The following TXNDC5 variants were observed in gnomAD, a reference collection of about 807,000 sequenced individuals.
TXNDC5 encodes thioredoxin domain containing 5.
A neutral mutation model predicts 52.6 loss-of-function variants in TXNDC5; 44 were observed. The observed-to-expected ratio is 0.84, with a 90% CI of 0.66 to 1.08. The LOEUF (loss-of-function observed/expected upper bound fraction) is 1.08, where lower values mean the gene tolerates loss of function less well. Among genes scored for constraint, TXNDC5 ranks in the 50% least tolerant of loss-of-function variants. TXNDC5 has a pLI of 0.00. For missense variants in TXNDC5, 600 were observed against 565.5 expected, an observed-to-expected ratio of 1.06 and a Z score of -0.62; for synonymous variants, 241 against 234.4, an observed-to-expected ratio of 1.03 and a Z score of -0.26.
chr6:7,884,526 G>A (rs1191968439), intron 8 of TXNDC5, 38 bp from the exon 9 acceptor site: 6 of 1,612,692 alleles, frequency 3.7e-6, no homozygotes, highest in South Asian at 1.1e-5. Flanking sequence ...TGAAATCCTG[G>A]GTCGAGATCA....
At chr6:7,893,522 A>G (rs1760267550) in intron 4 of TXNDC5, among the ~76,000 whole-genome samples, 1 of 151,356 alleles carries the variant, frequency 6.6e-6, no homozygotes, top group African/African-American at 2.5e-5. Flanking sequence ...CCACTTAGGG[A>G]GGCGCTGGCT....
chr6:7,901,503 T>G (rs572434645), intron 2 of TXNDC5, among the ~76,000 whole-genome samples: 1 of 152,228 alleles, frequency 6.6e-6, no homozygotes, highest in Non-Finnish European at 1.5e-5. Context: ...AAAACCATCT[T>G]CTTGTTGTTG....
At position 7,882,129 on chromosome 6, in the gene TXNDC5, A is replaced by C. The variant is rs1244399588; in HGVS notation, c.*1015T>G. On this transcript the variant is annotated 3_prime_UTR_variant, in exon 10 of 10. Coordinates refer to ENST00000379757, the MANE Select transcript of TXNDC5 (RefSeq NM_030810.5). ...ATACATTAGAAGGTCGACCTCCTTG[A>C]AGCAGACCAAGTATAGCAAGCCTCT... 6.6e-6 allele frequency: 1 copy of C among 152,638 alleles called. No homozygotes were observed. The highest frequency in any genetic ancestry group is 1.5e-5 in the Non-Finnish European group (1 of 68,050). 9.5% of individuals were successfully genotyped at this position (152,638 alleles called of 1,614,324 possible). A position where few individuals can be genotyped will look rare whatever the true frequency, so the allele number is the denominator to read the frequency against.
chr6:7,906,563 A>AAAC lies in TXNDC5; in HGVS notation c.264-1841_264-1840insGTT, dbSNP rs1294037939. 4.0e-5 allele frequency among the ~76,000 whole-genome samples: 6 copies of AAAC among 150,340 alleles called. No individual in the cohort carries two copies. In the East Asian group the frequency reaches 9.8e-4, roughly 25 times the overall value. ...AAAAAAAAAAAAAAAAAAAAGAAAA[A>AAAC]CAGACTTAAAGGTAGCACTGAAAAA... On this transcript the variant is annotated intron_variant, in intron 1 of 9. Transcript: ENST00000379757.
chr6:7,899,801 T>TGC (rs1319164646), intron 2 of TXNDC5, 120 bp from the exon 3 acceptor site: 2 of 578,526 alleles, frequency 3.5e-6, no homozygotes, highest in Non-Finnish European at 6.0e-6. Flanking sequence ...GGCATGTATC[T>TGC]GCTCCTCTCT....
At chr6:7,907,730 C>A (rs1011190406) in intron 1 of TXNDC5, among the ~76,000 whole-genome samples, 1 of 152,150 alleles carries the variant, frequency 6.6e-6, no homozygotes, top group African/African-American at 2.4e-5. Flanking sequence ...CCTGCATAGA[C>A]CCCTCCAGAG....
intron 4 of TXNDC5, among the ~76,000 whole-genome samples, chr6:7,893,888 G>A (rs781637685): frequency 6.6e-5 from 10 of 152,248 alleles, no homozygotes; most frequent in Admixed American, 3.3e-4. Context: ...AATGGGAGCC[G>A]GCCAGGAAGC....
intron 1 of TXNDC5, among the ~76,000 whole-genome samples, chr6:7,908,237 T>C (rs1225960): frequency 0.34 from 49,145 of 143,454 alleles, 8,783 homozygotes; most frequent in East Asian, 0.65. Flanking sequence ...AAATCAAGAT[T>C]GCGCTACTGC....
At chr6:7,908,974 T>A (rs572315802) in intron 1 of TXNDC5, among the ~76,000 whole-genome samples, 1 of 152,250 alleles carries the variant, frequency 6.6e-6, no homozygotes, top group Non-Finnish European at 1.5e-5. Flanking sequence ...AAACTGTTAA[T>A]ACTGCCTGAT....
At chr6:7,886,603 C>T (rs1412630293) in intron 7 of TXNDC5, among the ~76,000 whole-genome samples, 1 of 152,210 alleles carries the variant, frequency 6.6e-6, no homozygotes, top group African/African-American at 2.4e-5. Context: ...TGGAAAGCAG[C>T]CTGTTCTAAG....
At chr6:7,907,885 T>C (rs1760787419) in intron 1 of TXNDC5, among the ~76,000 whole-genome samples, 1 of 152,220 alleles carries the variant, frequency 6.6e-6, no homozygotes, top group South Asian at 2.1e-4. Context: ...TGAGCCCTAC[T>C]GCAGTATCTG....
At chr6:7,898,081 C>T (rs1430190136) in intron 3 of TXNDC5, among the ~76,000 whole-genome samples, 11 of 151,002 alleles carry the variant, frequency 7.3e-5, no homozygotes, top group South Asian at 6.3e-4. Context: ...TTTTTTTCCA[C>T]GATAGTTTTT....
At chr6:7,894,696 G>GT (rs1760306873) in intron 4 of TXNDC5, 1 of 982,850 alleles carries the variant, frequency 1.0e-6, no homozygotes, top group Non-Finnish European at 1.2e-6. Flanking sequence ...GGGATACAAA[G>GT]TAAGCACAAG....
intron 8 of TXNDC5, among the ~76,000 whole-genome samples, chr6:7,884,753 A>G (rs557979517): frequency 6.6e-6 from 1 of 152,334 alleles, no homozygotes; most frequent in Non-Finnish European, 1.5e-5. Context: ...AGATTCTGAG[A>G]CCATTTCCAT....
At chr6:7,884,513 C>T (rs1202764958) in intron 8 of TXNDC5, 25 bp from the exon 9 acceptor site, 4 of 1,613,404 alleles carry the variant, frequency 2.5e-6, no homozygotes, top group Non-Finnish European at 3.4e-6. Context: ...ATGGCAGCTT[C>T]GTTGAAATCC....
chr6:7,883,715 T>C (rs1289328766), intron 9 of TXNDC5, among the ~76,000 whole-genome samples: 1 of 152,166 alleles, frequency 6.6e-6, no homozygotes, highest in African/African-American at 2.4e-5. Context: ...CTAAGAATTT[T>C]AGGGCACAAA....
In TXNDC5 at chr6:7,891,562, C is replaced by T. The variant is rs987043451; in HGVS notation, c.732+59G>A. 7.8e-6 allele frequency: 11 copies of T among 1,411,602 alleles called. No individual in the cohort carries two copies. The South Asian group carries it at 1.1e-4, about 14-fold the overall frequency. 87.4% of individuals were successfully genotyped at this position (1,411,602 alleles called of 1,614,324 possible). On this transcript the variant is annotated intron_variant, in intron 5 of 9. Transcript: ENST00000379757. ...CACACGGAATGAATAATGGGCCACT[C>T]TGCTAATTAATCCAGCCCAAAGCAG...
At chr6:7,895,246 C>T (rs939590677) in intron 3 of TXNDC5, 44 bp from the exon 4 acceptor site, 12 of 1,557,236 alleles carry the variant, frequency 7.7e-6, no homozygotes, top group African/African-American at 4.1e-5. Flanking sequence ...TCAGTGGAGA[C>T]ACAGGGAAAC....
At chr6:7,893,014 C>T (rs1173535804) in intron 4 of TXNDC5, among the ~76,000 whole-genome samples, 3 of 152,206 alleles carry the variant, frequency 2.0e-5, no homozygotes, top group Admixed American at 6.5e-5. Flanking sequence ...ATTCATTAAG[C>T]CCTACATTTG....
Sources: allele counts gnomAD v4.1 joint callset (sites outside exome capture counted in the v4.1 genomes callset), GRCh38; gene constraint gnomAD v4.1.1; transcripts MANE v1.5; gene names NCBI Gene and HGNC (gene_info 2026-07-23, HGNC 2026-07-21).